Variants in ANK3 observed in about 807,000 individuals in gnomAD.
ANK3 encodes ankyrin 3.
ANK3 carries 57 observed loss-of-function variants against 370.9 expected under a neutral mutation model. The observed-to-expected ratio is 0.15, with a 90% CI of 0.12 to 0.19. The LOEUF (loss-of-function observed/expected upper bound fraction) is 0.19. ANK3 is among the 10% of genes least tolerant of loss of function. The pLI, the probability that ANK3 is intolerant of heterozygous loss-of-function variation, is 1.00. For missense variants in ANK3, 4,439 were observed against 5,302.1 expected, an observed-to-expected ratio of 0.84 and a Z score of 5.06; for synonymous variants, 1,929 against 1,946.3, an observed-to-expected ratio of 0.99 and a Z score of 0.23.
intron 38 of ANK3, among the ~76,000 whole-genome samples, chr10:60,067,269 T>TA (rs1191314040): frequency 6.6e-6 from 1 of 152,246 alleles, no homozygotes; most frequent in Non-Finnish European, 1.5e-5. Flanking sequence ...AAATCACATT[T>TA]AAAAATTTTT....
intron 18 of ANK3, among the ~76,000 whole-genome samples, chr10:60,177,816 G>A (rs2096019044): frequency 6.6e-6 from 1 of 151,926 alleles, no homozygotes; most frequent in Non-Finnish European, 1.5e-5. Flanking sequence ...TAGCCAGGAT[G>A]GTCTCGATCT....
chr10:60,335,549 A>T (rs970080652), intron 1 of ANK3, among the ~76,000 whole-genome samples: 2 of 152,198 alleles, frequency 1.3e-5, no homozygotes, highest in African/African-American at 4.8e-5. Flanking sequence ...AAACAGCTGC[A>T]GAATAGCAAA....
intron 42 of ANK3, chr10:60,050,575 G>A (rs1419531922): frequency 6.6e-6 from 1 of 152,188 alleles, no homozygotes; most frequent in Non-Finnish European, 1.5e-5. Flanking sequence ...GAAGCCTCAA[G>A]TTATTTGGAT....
At chr10:60,241,059 C>T (rs1222559541) in intron 7 of ANK3, among the ~76,000 whole-genome samples, 1 of 152,168 alleles carries the variant, frequency 6.6e-6, no homozygotes, top group Non-Finnish European at 1.5e-5. Context: ...TGTTTCAACT[C>T]TCATCCCTTG....
intron 2 of ANK3, among the ~76,000 whole-genome samples, chr10:60,468,716 T>C (rs2065067975): frequency 6.6e-6 from 1 of 151,786 alleles, no homozygotes. Flanking sequence ...AAGACAACAT[T>C]AAGGTGAGAA....
intron 16 of ANK3, among the ~76,000 whole-genome samples, chr10:60,192,671 T>C (rs568601948): frequency 6.6e-6 from 1 of 152,182 alleles, no homozygotes; most frequent in South Asian, 2.1e-4. Context: ...AGTGGAATAA[T>C]AGACATTGGA....
Position 60,332,060 on chromosome 10 carries a change from T to C in ANK3, c.115-52421A>G, listed in dbSNP as rs536916484. Among the ~76,000 whole-genome samples, 52 of 152,276 alleles carry C rather than the reference T, an allele frequency of 3.4e-4. 1 individual carries two copies. The highest frequency in any genetic ancestry group is 6.3e-4 in the Non-Finnish European group (43 of 68,022). On this transcript the variant is annotated intron_variant, in intron 1 of 43. Coordinates refer to ENST00000280772, the MANE Select transcript of ANK3 (RefSeq NM_020987.5). ...TCCATATGGCTAACTCAATTTCTTT[T>C]TGTCGCGGTTTAAGCCCATTTTCTA...
intron 1 of ANK3, among the ~76,000 whole-genome samples, chr10:60,692,653 C>A (rs1168065683): frequency 6.6e-6 from 1 of 152,072 alleles, no homozygotes; most frequent in East Asian, 1.9e-4. Flanking sequence ...AATAAAGGGA[C>A]AATTCAAATT....
intron 1 of ANK3, among the ~76,000 whole-genome samples, chr10:60,673,912 G>A (rs140415548): frequency 2.2e-3 from 339 of 152,188 alleles, no homozygotes; most frequent in African/African-American, 4.5e-3. Context: ...GGCATAAGAC[G>A]CACTACATAG....
At chr10:60,113,849 G>C (rs983761827) in intron 26 of ANK3, among the ~76,000 whole-genome samples, 1 of 152,000 alleles carries the variant, frequency 6.6e-6, no homozygotes, top group Non-Finnish European at 1.5e-5. Flanking sequence ...CAGATACCTA[G>C]AAAAACTTCA....
chr10:60,670,911 T>C (rs1011888857), intron 1 of ANK3, among the ~76,000 whole-genome samples: 10 of 152,192 alleles, frequency 6.6e-5, no homozygotes, highest in African/African-American at 2.4e-4. Context: ...TCCTTCTTCT[T>C]CTGACCTACA....
At chr10:60,033,665 C>T (rs909237330) in intron 43 of ANK3, among the ~76,000 whole-genome samples, 1 of 151,986 alleles carries the variant, frequency 6.6e-6, no homozygotes, top group Non-Finnish European at 1.5e-5. Flanking sequence ...TTTTTATAGG[C>T]AAATGGACAT....
chr10:60,714,187 C>A (rs941938235), intron 1 of ANK3, among the ~76,000 whole-genome samples: 1 of 152,100 alleles, frequency 6.6e-6, no homozygotes, highest in African/African-American at 2.4e-5. Flanking sequence ...TCTACTAAAG[C>A]TCAAATAAGG....
At chr10:60,296,986 A>G (rs10740021) in intron 1 of ANK3, among the ~76,000 whole-genome samples, 88,683 of 151,968 alleles carry the variant, frequency 0.58, 26,406 homozygotes, top group South Asian at 0.77. Context: ...TCTCAAAGAA[A>G]TAAATAAATA....
At chr10:60,521,424 C>G (rs2076344324) in intron 2 of ANK3, among the ~76,000 whole-genome samples, 1 of 151,994 alleles carries the variant, frequency 6.6e-6, no homozygotes, top group Non-Finnish European at 1.5e-5. Flanking sequence ...CCTGATCAGA[C>G]TGGGGAAAAA....
chr10:60,086,527 G>C (rs2086717433), intron 30 of ANK3, 150 bp downstream of exon 30: 1 of 628,320 alleles, frequency 1.6e-6, no homozygotes, highest in Non-Finnish European at 2.6e-6. Context: ...CCAGAGATGA[G>C]GTGATGGACA....
Position 60,083,390 on chromosome 10 carries a change from C to T in ANK3, c.4200+102G>A, listed in dbSNP as rs10994186. On this transcript the variant is annotated intron_variant, in intron 33 of 43. Transcript: ENST00000280772. The stretch of plus-strand genomic sequence containing the variant: ...TCTGACCTTATGAGTTCAGATTTGA[C>T]GGGGTATTTCAAATTAAATAAATCA... The T allele has an allele frequency of 6.8e-3, 8,464 of 1,241,918 alleles. 470 individuals carry two copies. In the African/African-American group the frequency reaches 0.12, roughly 17 times the overall value. The allele number at this position is 1,241,918 out of a possible 1,614,324, so 76.9% of individuals were successfully genotyped here.
chr10:60,429,839 T>C (rs1222062356), intron 2 of ANK3, among the ~76,000 whole-genome samples: 1 of 152,230 alleles, frequency 6.6e-6, no homozygotes, highest in Non-Finnish European at 1.5e-5. Context: ...TAACAGTATA[T>C]ATTATTCAGT....
intron 42 of ANK3, among the ~76,000 whole-genome samples, chr10:60,045,387 G>C (rs2076781485): frequency 6.6e-6 from 1 of 152,194 alleles, no homozygotes; most frequent in Non-Finnish European, 1.5e-5. Context: ...GTCATAGACA[G>C]CTTGGTGGAT....
Sources: allele counts gnomAD v4.1 joint callset (sites outside exome capture counted in the v4.1 genomes callset), GRCh38; gene constraint gnomAD v4.1.1; transcripts MANE v1.5; gene names NCBI Gene and HGNC (gene_info 2026-07-23, HGNC 2026-07-21).